Variants in IL12RB2 observed in about 807,000 individuals in gnomAD.
IL12RB2 encodes the protein interleukin-12 receptor subunit beta-2.
IL12RB2 carries 82 observed loss-of-function variants against 89.4 expected under a neutral mutation model. The ratio of observed to expected loss-of-function variants is 0.92; its 90% CI spans 0.77 to 1.10. The LOEUF is 1.10. IL12RB2 is among the 50% of genes least tolerant of loss of function. The pLI is 0.00. For synonymous variants in IL12RB2, 368 were observed against 370.1 expected (o/e 0.99, Z 0.07); for missense variants, 963 against 1,031.9 (o/e 0.93, Z 0.92).
At chr1:67,387,906 C>T (rs923124397) in intron 15 of IL12RB2, among the ~76,000 whole-genome samples, 11 of 151,094 alleles carry the variant, frequency 7.3e-5, no homozygotes, top group Non-Finnish European at 1.2e-4. Context: ...GGCTGGGCGC[C>T]GGGGCTCATG....
At chr1:67,388,039 A>G (rs1221779583) in intron 15 of IL12RB2, among the ~76,000 whole-genome samples, 1 of 151,912 alleles carries the variant, frequency 6.6e-6, no homozygotes, top group East Asian at 2.0e-4. Flanking sequence ...TTAGTCAGCC[A>G]TGGTGGTGCA....
rs1665180292 is a variant in IL12RB2 at position 67,386,624 on chromosome 1, C to T, written c.1901C>T (p.Ala634Val). Reference sequence around the variant, plus strand: ...TTTGTGGCACCAAGCATTTGCATTGCTATCATCATGGTGGGCATTTTCTCA... The same window carrying T: ...TTTGTGGCACCAAGCATTTGCATTGTTATCATCATGGTGGGCATTTTCTCA... ...MAFVAPSICI[A>V]IIMVGIFSTH... The change falls in exon 15 of 17, where the codon GCT (alanine) becomes GTT (valine). Residue 634 changes from alanine to valine, a missense_variant. Transcript: ENST00000674203. The T allele has an allele frequency of 1.9e-6, 3 of 1,613,568 alleles. No individual in the cohort carries two copies. Among genetic ancestry groups the T allele is most frequent in the Non-Finnish European group, 2.5e-6 (3 of 1,179,642 alleles).
intron 1 of IL12RB2, among the ~76,000 whole-genome samples, chr1:67,309,367 C>G (rs192123185): frequency 2.6e-5 from 4 of 152,308 alleles, no homozygotes; most frequent in Admixed American, 2.6e-4. Context: ...CTCTCTGGCT[C>G]AGAACCTTAT....
At position 67,395,802 on chromosome 1, in the gene IL12RB2, A is replaced by G; in HGVS notation, c.2302A>G (p.Lys768Glu). Reference sequence around the variant, plus strand: ...GAGCAGACAACTGGTGGATCTGTACAAGGTGCTGGAGAGCAGGGGCTCCGA... The same window carrying G: ...GAGCAGACAACTGGTGGATCTGTACGAGGTGCTGGAGAGCAGGGGCTCCGA... ...AESRQLVDLY[K>E]VLESRGSDPK... The change falls in exon 17 of 17, where the codon AAG (lysine) becomes GAG (glutamate). Residue 768 changes from lysine to glutamate, a missense_variant. Physicochemically the swap from Lys to Glu is moderately conservative, Grantham distance 56. Coordinates refer to ENST00000674203, the MANE Select transcript of IL12RB2 (RefSeq NM_001374259.2). The G allele has an allele frequency of 5.0e-6, 8 of 1,614,002 alleles. No homozygotes were observed. The highest frequency in any genetic ancestry group is 6.8e-6 in the Non-Finnish European group (8 of 1,179,870).
chr1:67,316,014 G>A (rs1013279995), intron 2 of IL12RB2, among the ~76,000 whole-genome samples: 2 of 152,146 alleles, frequency 1.3e-5, no homozygotes, highest in African/African-American at 4.8e-5. Context: ...AAGATTTAAT[G>A]TAAGTAGTTT....
chr1:67,359,310 T>C (rs939530358), intron 10 of IL12RB2, among the ~76,000 whole-genome samples: 2 of 152,218 alleles, frequency 1.3e-5, no homozygotes, highest in African/African-American at 4.8e-5. Flanking sequence ...CTAAGACGAA[T>C]TTAACTTTGG....
chr1:67,391,356 AGTGTGT>A (rs148773328), intron 16 of IL12RB2, among the ~76,000 whole-genome samples: 129 of 140,552 alleles, frequency 9.2e-4, no homozygotes, highest in Admixed American at 1.6e-3. Context: ...TAATAACAGC[AGTGTGT>A]GTGTGTGTGT....
chr1:67,328,656 A>G (rs897868959), intron 6 of IL12RB2, among the ~76,000 whole-genome samples: 1 of 152,190 alleles, frequency 6.6e-6, no homozygotes, highest in African/African-American at 2.4e-5. Context: ...CCAGCTACTA[A>G]TGATACCACC....
intron 1 of IL12RB2, among the ~76,000 whole-genome samples, chr1:67,310,582 T>A (rs1654917907): frequency 6.6e-6 from 1 of 152,196 alleles, no homozygotes; most frequent in South Asian, 2.1e-4. Flanking sequence ...TCTCGTAGTG[T>A]CACTGAAAAG....
intron 9 of IL12RB2, among the ~76,000 whole-genome samples, chr1:67,341,023 CTT>C: frequency 6.6e-6 from 1 of 152,172 alleles, no homozygotes; most frequent in East Asian, 1.9e-4. Flanking sequence ...TTGAACATCT[CTT>C]ATTGTTTAGA....
chr1:67,383,101 G>A (rs1202924981), intron 14 of IL12RB2, among the ~76,000 whole-genome samples: 1 of 152,148 alleles, frequency 6.6e-6, no homozygotes, highest in Non-Finnish European at 1.5e-5. Flanking sequence ...CCACAGGGCT[G>A]GGGAAGCCTA....
intron 8 of IL12RB2, among the ~76,000 whole-genome samples, chr1:67,338,252 C>T (rs1276650756): frequency 7.1e-6 from 1 of 140,016 alleles, no homozygotes; most frequent in Non-Finnish European, 1.5e-5. Context: ...TTGCTTGAGC[C>T]TGGGAGGTGG....
At chr1:67,312,719 TA>T (rs1034033783) in intron 1 of IL12RB2, among the ~76,000 whole-genome samples, 4,796 of 130,914 alleles carry the variant, frequency 0.037, 209 homozygotes, top group African/African-American at 0.12. Context: ...ACATTGAATT[TA>T]AAAAAAAAAA....
intron 16 of IL12RB2, among the ~76,000 whole-genome samples, chr1:67,393,598 C>T (rs1221191926): frequency 1.3e-5 from 2 of 152,186 alleles, no homozygotes; most frequent in South Asian, 4.1e-4. Context: ...GAGCAGTCTC[C>T]CCGAAGTGAA....
chr1:67,362,910 T>G (rs974455444), intron 10 of IL12RB2, among the ~76,000 whole-genome samples: 10 of 45,472 alleles, frequency 2.2e-4, no homozygotes, highest in South Asian at 1.3e-3. Flanking sequence ...TAATTACTCG[T>G]TTTTTTTTTT....
chr1:67,329,157 C>T (rs963955038), intron 6 of IL12RB2, among the ~76,000 whole-genome samples: 4 of 152,324 alleles, frequency 2.6e-5, no homozygotes, highest in Admixed American at 2.0e-4. Context: ...GCTACCTTCT[C>T]GCCCCCTTGT....
chr1:67,361,325 C>T (rs1570041947), intron 10 of IL12RB2, among the ~76,000 whole-genome samples: 1 of 152,282 alleles, frequency 6.6e-6, no homozygotes, highest in African/African-American at 2.4e-5. Context: ...CAGAACCATA[C>T]TTGGATATGG....
In IL12RB2 at chr1:67,380,073, C is replaced by G. The variant is rs771638303; in HGVS notation, c.1805C>G (p.Thr602Arg). 1.2e-6 allele frequency: 2 copies of G among 1,614,110 alleles called. No homozygotes were observed. Among genetic ancestry groups the G allele is most frequent in the South Asian group, 2.2e-5 (2 of 91,084 alleles). The change falls in exon 14 of 17, where the codon ACA (threonine) becomes AGA (arginine). Residue 602 changes from threonine to arginine, a missense_variant. Thr to Arg is a moderately conservative substitution (Grantham distance 71, BLOSUM62 -1). Coordinates refer to ENST00000674203, the MANE Select transcript of IL12RB2 (RefSeq NM_001374259.2). ...TATGTCCTGTGGATGACAGCTCTGA[C>G]AGCTGCTGGTGAAAGTTCCCACGGA... ...VTYVLWMTAL[T>R]AAGESSHGNE...
Position 67,329,657 on chromosome 1 carries a change from T to G in IL12RB2, c.735T>G (p.Tyr245Ter). ...CTTCTGTGAGCAGATGTACCCTTTA[T>G]TGGAGAGATGAGGGACTGGTACTGC... Reference protein sequence around the residue: ...QKASVSRCTLYWRDEGLVLLN... With the variant: ...QKASVSRCTL The change falls in exon 7 of 17, where the codon TAT (tyrosine) becomes TAG (stop). Residue 245 changes from tyrosine to a stop codon, truncating the protein, a stop_gained. Transcript: ENST00000674203. LOFTEE classifies it high-confidence loss of function. The G allele has an allele frequency of 6.3e-7, 1 of 1,582,590 alleles. No homozygotes were observed. Among genetic ancestry groups the G allele is most frequent in the Non-Finnish European group, 8.7e-7 (1 of 1,151,170 alleles).
Sources: allele counts gnomAD v4.1 joint callset (sites outside exome capture counted in the v4.1 genomes callset), GRCh38; gene constraint gnomAD v4.1.1; transcripts MANE v1.5; gene names NCBI Gene and HGNC (gene_info 2026-07-23, HGNC 2026-07-21).